URB1: variants seen among roughly 807,000 people sequenced by gnomAD.
URB1 encodes URB1 ribosome biogenesis factor.
URB1 carries 197 observed loss-of-function variants against 242.3 expected under a neutral mutation model. That is an observed-to-expected ratio of 0.81 (90% CI 0.72 to 0.91). URB1 has a LOEUF of 0.91. URB1 is among the 40% of genes least tolerant of loss of function. URB1 has a pLI of 0.00. For synonymous variants in URB1, 1,153 were observed against 1,201.8 expected, an observed-to-expected ratio of 0.96 and a Z score of 0.84; for missense variants, 2,721 against 2,860.5, an observed-to-expected ratio of 0.95 and a Z score of 1.11.
chr21:32,337,160 A>G lies in URB1; in HGVS notation c.4622-3T>C. 2.6e-6 allele frequency: 4 copies of G among 1,551,798 alleles called. No individual in the cohort carries two copies. Among genetic ancestry groups the G allele is most frequent in the East Asian group, 2.4e-5 (1 of 40,922 alleles). On this transcript the variant is annotated splice_region_variant and splice_polypyrimidine_tract_variant and intron_variant, in intron 27 of 38. Coordinates refer to ENST00000382751, the MANE Select transcript of URB1 (RefSeq NM_014825.3). ...AAGCAGAAGTAAAATCTTCTGATCT[A>G]CAAGTCAAAGCAGGATCGGTTTAGG... is the stretch of plus-strand genomic sequence containing the variant.
chr21:32,340,851 T>C (rs554350004), intron 25 of URB1, among the ~76,000 whole-genome samples: 2 of 152,180 alleles, frequency 1.3e-5, no homozygotes, highest in South Asian at 2.1e-4. Context: ...GCCTAGACAT[T>C]TGTCAGTAGA....
At chr21:32,387,600 C>CAA (rs764839350) in intron 1 of URB1, among the ~76,000 whole-genome samples, 5,949 of 124,322 alleles carry the variant, frequency 0.048, 231 homozygotes, top group African/African-American at 0.09. Flanking sequence ...TCACCTTATT[C>CAA]AAAAAAAAAA....
rs1303092196 is a variant in URB1 at position 32,324,484 on chromosome 21, G to A, written c.5233+7C>T. On this transcript the variant is annotated splice_region_variant and intron_variant, in intron 32 of 38. Coordinates refer to ENST00000382751, the MANE Select transcript of URB1 (RefSeq NM_014825.3). ...ATTTCCCCTCAACCTAATTATGTCA[G>A]TGGTACCTGGTTTCAAAATCTGCAG... is the stretch of plus-strand genomic sequence containing the variant. 1.3e-6 allele frequency: 2 copies of A among 1,548,830 alleles called. No individual in the cohort carries two copies. The highest frequency in any genetic ancestry group is 2.0e-5 in the Admixed American group (1 of 51,014).
chr21:32,338,355 T>C (rs1330649254), intron 26 of URB1, among the ~76,000 whole-genome samples: 1 of 152,164 alleles, frequency 6.6e-6, no homozygotes, highest in Non-Finnish European at 1.5e-5. Context: ...AGAAATTTCA[T>C]GCAACTAATC....
chr21:32,387,889 C>T (rs749705734), intron 1 of URB1, among the ~76,000 whole-genome samples: 2 of 152,170 alleles, frequency 1.3e-5, no homozygotes, highest in Non-Finnish European at 2.9e-5. Flanking sequence ...TTCCTTTAAC[C>T]TCTCTCCAGA....
chr21:32,340,473 C>G (rs2033017090), intron 25 of URB1, among the ~76,000 whole-genome samples: 1 of 152,136 alleles, frequency 6.6e-6, no homozygotes, highest in Admixed American at 6.5e-5. Context: ...ATTAGCCGAG[C>G]ATGGTGGTGC....
intron 36 of URB1, 124 bp downstream of exon 36, chr21:32,319,093 C>T: frequency 1.1e-6 from 1 of 924,474 alleles, no homozygotes; most frequent in Non-Finnish European, 1.6e-6. Context: ...CCCCAATCCA[C>T]AGCAGATCAC....
chr21:32,326,619 T>C (rs539396870), intron 30 of URB1, among the ~76,000 whole-genome samples: 8 of 152,260 alleles, frequency 5.3e-5, no homozygotes, highest in Admixed American at 4.6e-4. Context: ...GATTTCCCCT[T>C]GCTGTTCTCA....
chr21:32,375,078 G>A (rs1256666764), intron 6 of URB1, among the ~76,000 whole-genome samples: 2 of 152,220 alleles, frequency 1.3e-5, no homozygotes, highest in Admixed American at 1.3e-4. Context: ...TGTGAATGAA[G>A]TATTATTTAT....
intron 1 of URB1, among the ~76,000 whole-genome samples, chr21:32,392,005 C>T (rs1476582630): frequency 6.6e-6 from 1 of 150,558 alleles, no homozygotes; most frequent in African/African-American, 2.5e-5. Flanking sequence ...GCCTGGGCAA[C>T]AGAGCAAGAC....
intron 24 of URB1, among the ~76,000 whole-genome samples, chr21:32,344,358 T>G (rs2033061978): frequency 6.6e-6 from 1 of 152,184 alleles, no homozygotes; most frequent in Admixed American, 6.5e-5. Flanking sequence ...CAAAAAGCAT[T>G]TGACAAAATC....
rs1321362544 is a variant in URB1 at position 32,321,891 on chromosome 21, G to A, written c.5394C>T (p.Asp1798=). 2 of 1,551,566 alleles carry A rather than the reference G, an allele frequency of 1.3e-6. No individual in the cohort carries two copies. Among genetic ancestry groups the A allele is most frequent in the East Asian group, 4.9e-5 (2 of 40,936 alleles). Residue 1798 remains aspartate, a synonymous_variant, in exon 34 of 39, where the codon GAC becomes GAT. Coordinates refer to ENST00000382751, the MANE Select transcript of URB1 (RefSeq NM_014825.3). The part of the protein sequence containing the change: ...VFGVLRQGIR[D]KQCYELCARR... ...GGGCACACAGTTCGTAGCACTGCTTGTCACGGATCCCCTGCCGCAGAACGC... is the reference window on the plus strand; with the variant it reads ...GGGCACACAGTTCGTAGCACTGCTTATCACGGATCCCCTGCCGCAGAACGC...
chr21:32,366,303 T>C (rs1293162226), intron 10 of URB1, among the ~76,000 whole-genome samples: 2 of 152,228 alleles, frequency 1.3e-5, no homozygotes, highest in Non-Finnish European at 2.9e-5. Flanking sequence ...GATTTAGACA[T>C]TCTTTCATCC....
chr21:32,324,189 C>T (rs904680623), intron 32 of URB1, among the ~76,000 whole-genome samples: 2 of 152,030 alleles, frequency 1.3e-5, no homozygotes, highest in Admixed American at 6.6e-5. Context: ...TAACTACAAG[C>T]GAATATGAAT....
intron 5 of URB1, among the ~76,000 whole-genome samples, chr21:32,378,033 C>G (rs1180543309): frequency 1.3e-5 from 2 of 152,204 alleles, no homozygotes; most frequent in Non-Finnish European, 2.9e-5. Context: ...CTGATGTTCT[C>G]GTAACACAGG....
chr21:32,334,157 C>A lies in URB1; in HGVS notation c.4857+6G>T. Reference sequence around the variant, plus strand: ...GTGGGTAGGGACAGAACAGCAGCAGCCCAACCTCGGGGGGCAGCAGCCTCC... The same window carrying A: ...GTGGGTAGGGACAGAACAGCAGCAGACCAACCTCGGGGGGCAGCAGCCTCC... On this transcript the variant is annotated splice_donor_region_variant and intron_variant, in intron 29 of 38. Coordinates refer to ENST00000382751, the MANE Select transcript of URB1 (RefSeq NM_014825.3). 6.5e-7 allele frequency: 1 copy of A among 1,540,702 alleles called. No individual in the cohort carries two copies. Among genetic ancestry groups the A allele is most frequent in the Non-Finnish European group, 8.8e-7 (1 of 1,139,424 alleles).
chr21:32,373,966 C>T (rs771141498), intron 6 of URB1, among the ~76,000 whole-genome samples, 194 bp from the exon 7 acceptor site: 49 of 152,096 alleles, frequency 3.2e-4, no homozygotes, highest in Admixed American at 2.0e-4. Flanking sequence ...CCTAGGATAT[C>T]GTTACTATTT....
Position 32,361,023 on chromosome 21 carries a change from G to A in URB1, c.1740C>T (p.Phe580=). 6.5e-7 allele frequency: 1 copy of A among 1,549,866 alleles called. No homozygotes were observed. Among genetic ancestry groups the A allele is most frequent in the Middle Eastern group, 1.7e-4 (1 of 5,984 alleles). ...PHVVMQYNFD[F]SKLLKGVISE... is the part of the protein sequence containing the mutation. The stretch of plus-strand genomic sequence containing the variant: ...GAAACCCACCTTTCAGGAGCTTGCT[G>A]AAGTCAAAGTTGTACTGCATGACCA... Residue 580 remains phenylalanine (F), a synonymous_variant, in exon 13 of 39, where the codon TTC becomes TTT. Transcript: ENST00000382751.
In URB1 at chr21:32,322,368, G is replaced by T. The variant is rs1009821350; in HGVS notation, c.5340+110C>A. The stretch of plus-strand genomic sequence containing the variant: ...CTGCGTGGCCACCGACTGCACAATC[G>T]TGTTGGCCGTGCAGCATACAGGATC... On this transcript the variant is annotated intron_variant, in intron 33 of 38. Transcript: ENST00000382751. 6.0e-6 allele frequency: 6 copies of T among 1,002,196 alleles called. No homozygotes were observed. In the East Asian group the frequency reaches 1.1e-4, roughly 18 times the overall value. 62.1% of individuals were successfully genotyped at this position (1,002,196 alleles called of 1,614,324 possible).
Sources: gnomAD v4.1 joint callset for allele counts (sites outside exome capture counted in the v4.1 genomes callset) on GRCh38, gnomAD v4.1.1 for gene constraint, MANE v1.5 for transcripts, NCBI Gene and HGNC (gene_info 2026-07-23, HGNC 2026-07-21) for gene names.